The following VPS16 variants were observed in gnomAD, a reference collection of about 807,000 sequenced individuals.
The protein encoded by VPS16 is VPS16 core subunit of CORVET and HOPS complexes.
Under a neutral mutation model 116.0 loss-of-function variants are expected in VPS16, and 82 were observed. The ratio of observed to expected loss-of-function variants is 0.71; its 90% CI spans 0.59 to 0.85. The LOEUF is 0.85. VPS16 is among the 40% of genes least tolerant of loss of function. VPS16 has a pLI of 0.00. For synonymous variants in VPS16, 406 were observed against 420.7 expected, an observed-to-expected ratio of 0.96 and a Z score of 0.43; for missense variants, 928 against 1,090.6, an observed-to-expected ratio of 0.85 and a Z score of 2.10.
rs1156834858 is a variant in VPS16, at chr20:2,840,760, C to T, written c.-15C>T. 2 of 1,547,986 alleles carry T rather than the reference C, an allele frequency of 1.3e-6. No individual in the cohort carries two copies. The highest frequency in any genetic ancestry group is 2.4e-5 in the East Asian group (1 of 40,840). On this transcript the variant is annotated 5_prime_UTR_variant, in exon 1 of 24. Transcript: ENST00000380445. ...GTGTCCCCTCGGTGCTTCCCAGCTGCCGTCTGCACCAGCCATGGACTGCTA... is the reference window on the plus strand; with the variant it reads ...GTGTCCCCTCGGTGCTTCCCAGCTGTCGTCTGCACCAGCCATGGACTGCTA...
At chr20:2,866,094 C>CG in intron 22 of VPS16, 118 bp from the exon 23 acceptor site, 1 of 849,544 alleles carries the variant, frequency 1.2e-6, no homozygotes, top group Non-Finnish European at 1.9e-6. Flanking sequence ...TATGTACTGA[C>CG]GGGTGTATAC....
chr20:2,860,668 A>C lies in VPS16; in HGVS notation c.514+75A>C. 1.2e-6 allele frequency: 2 copies of C among 1,610,244 alleles called. No individual in the cohort carries two copies. Among genetic ancestry groups the C allele is most frequent in the East Asian group, 4.5e-5 (2 of 44,812 alleles). The stretch of plus-strand genomic sequence containing the variant: ...TCTAGCCTGTGAGACCCATAAAAAC[A>C]GAAGCTGTGGCTAGAGACCCATAGA... On this transcript the variant is annotated intron_variant, in intron 5 of 23. Transcript: ENST00000380445. The surrounding 1 kb of genome is among the most constrained non-coding windows in gnomAD (Gnocchi z 6.1).
At chr20:2,853,354 A>C (rs568119755) in intron 1 of VPS16, among the ~76,000 whole-genome samples, 1 of 152,002 alleles carries the variant, frequency 6.6e-6, no homozygotes, top group African/African-American at 2.4e-5. Flanking sequence ...GTGCCACTGC[A>C]CTCCAGCCTG....
At position 2,850,382 on chromosome 20, in the gene VPS16, A is replaced by C. The variant is rs184258226; in HGVS notation, c.54-9337A>C. Among the ~76,000 whole-genome samples the C allele has an allele frequency of 2.1e-3, 319 of 152,244 alleles. 5 individuals carry two copies. The highest frequency in any genetic ancestry group is 0.019 in the Admixed American group (283 of 15,282). ...AGTGGCTCATGCCTGTAATCCCAGC[A>C]CTTTGAGAGGCCGAGGTGAGCAGAT... On this transcript the variant is annotated intron_variant, in intron 1 of 23. Coordinates refer to ENST00000380445, the MANE Select transcript of VPS16 (RefSeq NM_022575.4).
In VPS16 at chr20:2,864,067, C is replaced by T. The variant is rs761199342; in HGVS notation, c.1595C>T (p.Thr532Met). 26 of 1,613,912 alleles carry T rather than the reference C, an allele frequency of 1.6e-5. No individual in the cohort carries two copies. The highest frequency in any genetic ancestry group is 2.7e-5 in the African/African-American group (2 of 74,922). The change falls in exon 16 of 24, where the codon ACG becomes ATG. Residue 532 changes from threonine (T) to methionine (M), a missense_variant. Physicochemically the swap from Thr to Met is moderately conservative, Grantham distance 81. Coordinates refer to ENST00000380445, the MANE Select transcript of VPS16 (RefSeq NM_022575.4). The surrounding 1 kb of genome is among the most constrained non-coding windows in gnomAD (Gnocchi z 5.2). ...IAARAYGCGR[T>M]ELAIKLLEYE... Reference sequence around the variant, plus strand: ...GCACGAGCCTATGGTTGTGGCCGCACGGAGCTGGCCATCAAGGTGTGGGTG... The same window carrying T: ...GCACGAGCCTATGGTTGTGGCCGCATGGAGCTGGCCATCAAGGTGTGGGTG...
intron 1 of VPS16, among the ~76,000 whole-genome samples, chr20:2,841,804 C>G (rs1266057857): frequency 6.6e-6 from 1 of 151,462 alleles, no homozygotes; most frequent in African/African-American, 2.4e-5. Context: ...GTTGCCCAGG[C>G]TGGAGTGCAG....
At position 2,840,839 on chromosome 20, in the gene VPS16, C is replaced by CCCCCCA; in HGVS notation, c.53+12_53+13insCCCCCA. On this transcript the variant is annotated intron_variant, in intron 1 of 23. Transcript: ENST00000380445. The stretch of plus-strand genomic sequence containing the variant: ...TCTGCCTTTTACCGGTGAGCTGCCC[C>CCCCCCA]GCCCTCCCGCCCACGGCCTGGCTTA... 6.5e-7 allele frequency: 1 copy of CCCCCCA among 1,542,008 alleles called. No individual in the cohort carries two copies. The highest frequency in any genetic ancestry group is 8.8e-7 in the Non-Finnish European group (1 of 1,142,060).
At position 2,860,443 on chromosome 20, in the gene VPS16, C is replaced by T; in HGVS notation, c.370-6C>T. On this transcript the variant is annotated splice_polypyrimidine_tract_variant and splice_region_variant and intron_variant, in intron 4 of 23. Coordinates refer to ENST00000380445, the MANE Select transcript of VPS16 (RefSeq NM_022575.4). The surrounding 1 kb of genome is among the most constrained non-coding windows in gnomAD (Gnocchi z 6.1). ...GCTCCCTTAACCCATGGCCCCCTTT[C>T]CTCAGGAAGTGCTCCAGAACCGGGT... 1.9e-6 allele frequency: 3 copies of T among 1,614,064 alleles called. No homozygotes were observed. Among genetic ancestry groups the T allele is most frequent in the Non-Finnish European group, 2.5e-6 (3 of 1,179,994 alleles).
chr20:2,848,379 G>A (rs2089083057), intron 1 of VPS16, among the ~76,000 whole-genome samples: 1 of 152,166 alleles, frequency 6.6e-6, no homozygotes, highest in Non-Finnish European at 1.5e-5. Context: ...AAAGTGCTGG[G>A]ATTACAAGTG....
chr20:2,864,102 C>T lies in VPS16; in HGVS notation c.1611+19C>T. ...CATCAAGGTGTGGGTGCCCAGCCCT[C>T]CACAGACACTCTGATGTGGTTGTTC... On this transcript the variant is annotated intron_variant, in intron 16 of 23. Transcript: ENST00000380445. This position sits in a 1 kb window ranked among gnomAD's most constrained non-coding sequence, Gnocchi z 5.2. 6.2e-7 allele frequency: 1 copy of T among 1,613,696 alleles called. No homozygotes were observed. The highest frequency in any genetic ancestry group is 2.2e-5 in the East Asian group (1 of 44,856).
intron 1 of VPS16, among the ~76,000 whole-genome samples, chr20:2,855,300 T>C (rs1313573835): frequency 6.6e-6 from 1 of 152,006 alleles, no homozygotes; most frequent in Non-Finnish European, 1.5e-5. Context: ...TTTTTTTTTT[T>C]TGAGCAGTGG....
rs2089334301 is a variant in VPS16 at position 2,865,963 on chromosome 20, G to T, written c.2272-249G>T. 1.8e-6 allele frequency: 1 copy of T among 544,860 alleles called. No homozygotes were observed. The highest frequency in any genetic ancestry group is 3.3e-6 in the Non-Finnish European group (1 of 302,674). The allele number at this position is 544,860 out of a possible 1,614,324, so 33.8% of individuals were successfully genotyped here. A position where few individuals can be genotyped will look rare whatever the true frequency, so the allele number is the denominator to read the frequency against. ...CGCCTGTTGCAAGGGGTAATGGTGG[G>T]TGGTAGAGCAGAAGCGTGGAAATAA... On this transcript the variant is annotated intron_variant, in intron 22 of 23. Transcript: ENST00000380445. The surrounding 1 kb of genome is among the most constrained non-coding windows in gnomAD (Gnocchi z 5.2).
In VPS16 at chr20:2,860,402, A is replaced by T; in HGVS notation, c.369+35A>T. On this transcript the variant is annotated intron_variant, in intron 4 of 23. Transcript: ENST00000380445. This position sits in a 1 kb window ranked among gnomAD's most constrained non-coding sequence, Gnocchi z 6.1. ...ACAGAGGGCTGGGGACGCGGGGTAG[A>T]GTTTATGACCCTGTGGCTCCCTTAA... The T allele has an allele frequency of 6.2e-7, 1 of 1,614,012 alleles. No homozygotes were observed. Among genetic ancestry groups the T allele is most frequent in the Non-Finnish European group, 8.5e-7 (1 of 1,179,972 alleles).
At chr20:2,859,292 AAAG>A (rs1202389020) in intron 1 of VPS16, among the ~76,000 whole-genome samples, 1 of 152,160 alleles carries the variant, frequency 6.6e-6, no homozygotes, top group African/African-American at 2.4e-5. Flanking sequence ...CTCTCTCAAA[AAAG>A]AAGGACTAGA....
rs748674307 is a variant in VPS16, at chr20:2,861,620, G to C, written c.815G>C (p.Ser272Thr). Residue 272 changes from serine to threonine, a missense_variant, in exon 9 of 24, where the codon AGC becomes ACC. Physicochemically the swap from Ser to Thr is moderately conservative, Grantham distance 58. Transcript: ENST00000380445. ...TGTGTATATGCTGCTCACAGGTGCA[G>C]CCGTCCTCGTAGCAAGGAGAGGGCC... Reference protein sequence around the residue: ...RAPPKQMVWCSRPRSKERAVV... With the variant: ...RAPPKQMVWCTRPRSKERAVV... 6.2e-7 allele frequency: 1 copy of C among 1,610,376 alleles called. No individual in the cohort carries two copies. Among genetic ancestry groups the C allele is most frequent in the South Asian group, 1.1e-5 (1 of 90,382 alleles).
Position 2,842,681 on chromosome 20 carries a change from T to TAGATACATCTAGATGTATCTATCTATAG in VPS16, c.53+1855_53+1856insGATACATCTAGATGTATCTATCTATAGA, listed in dbSNP as rs1298593108. On this transcript the variant is annotated intron_variant, in intron 1 of 23. Transcript: ENST00000380445. ...AGATATATAGATGTATCTATATATA[T>TAGATACATCTAGATGTATCTATCTATAG]ATAGATACATCTAGATGTATCTATA... is the stretch of plus-strand genomic sequence containing the variant. 5.7e-4 allele frequency among the ~76,000 whole-genome samples: 61 copies of TAGATACATCTAGATGTATCTATCTATAG among 106,244 alleles called. 4 individuals are homozygous for TAGATACATCTAGATGTATCTATCTATAG. Among genetic ancestry groups the TAGATACATCTAGATGTATCTATCTATAG allele is most frequent in the Middle Eastern group, 4.1e-3 (1 of 246 alleles). The allele number at this position is 106,244 out of a possible 152,430, so 69.7% of individuals were successfully genotyped here.
intron 1 of VPS16, among the ~76,000 whole-genome samples, chr20:2,851,516 GC>G (rs2089120900): frequency 6.6e-6 from 1 of 152,016 alleles, no homozygotes; most frequent in African/African-American, 2.4e-5. Context: ...TACAAAATTA[GC>G]TGGGCATGGT....
At position 2,840,835 on chromosome 20, in the gene VPS16, G is replaced by A. The variant is rs756959064; in HGVS notation, c.53+8G>A. 24 of 1,524,590 alleles carry A rather than the reference G, an allele frequency of 1.6e-5. No individual in the cohort carries two copies. The Admixed American group carries it at 4.7e-4, about 30-fold the overall frequency. 94.4% of individuals were successfully genotyped at this position (1,524,590 alleles called of 1,614,324 possible). A position where few individuals can be genotyped will look rare whatever the true frequency, so the allele number is the denominator to read the frequency against. On this transcript the variant is annotated splice_region_variant and intron_variant, in intron 1 of 23. Transcript: ENST00000380445. ...GGACTCTGCCTTTTACCGGTGAGCT[G>A]CCCCGCCCTCCCGCCCACGGCCTGG...
intron 1 of VPS16, among the ~76,000 whole-genome samples, chr20:2,841,852 C>T (rs975930090): frequency 6.6e-6 from 1 of 151,796 alleles, no homozygotes; most frequent in Non-Finnish European, 1.5e-5. Flanking sequence ...CTCCCGGGTT[C>T]AAGGGATTCT....
Sources: gnomAD v4.1 joint callset for allele counts (sites outside exome capture counted in the v4.1 genomes callset) on GRCh38, gnomAD v4.1.1 for gene constraint, Gnocchi (gnomAD v3.1) non-coding constraint, MANE v1.5 for transcripts, NCBI Gene and HGNC (gene_info 2026-07-23, HGNC 2026-07-21) for gene names.